TRABD2B: variants seen among roughly 807,000 people sequenced by gnomAD.
TRABD2B encodes metalloprotease TIKI2.
Under a neutral mutation model 40.1 loss-of-function variants are expected in TRABD2B, and 14 were observed. The observed-to-expected ratio is 0.35, with a 90% CI of 0.23 to 0.55. The LOEUF is 0.55. Among genes scored for constraint, TRABD2B ranks in the 20% least tolerant of loss-of-function variants. TRABD2B has a pLI of 0.90. For missense variants in TRABD2B, 541 were observed against 648.6 expected (o/e 0.83, Z 1.80); for synonymous variants, 263 against 277.0 (o/e 0.95, Z 0.50).
At chr1:47,882,894 A>C (rs1177462044) in intron 2 of TRABD2B, among the ~76,000 whole-genome samples, 1 of 152,102 alleles carries the variant, frequency 6.6e-6, no homozygotes, top group Non-Finnish European at 1.5e-5. Flanking sequence ...AGGCAGGTAA[A>C]AGGATTGGGA....
At chr1:47,920,733 C>T (rs548870893) in intron 2 of TRABD2B, among the ~76,000 whole-genome samples, 64 of 152,232 alleles carry the variant, frequency 4.2e-4, no homozygotes, top group Non-Finnish European at 8.8e-4. Context: ...ACCCTCTTTT[C>T]CTTATTGGTG....
chr1:47,816,519 G>A (rs148455782), intron 2 of TRABD2B, among the ~76,000 whole-genome samples: 1 of 152,216 alleles, frequency 6.6e-6, no homozygotes, highest in Non-Finnish European at 1.5e-5. Flanking sequence ...TCCTGCTTCA[G>A]GACCTTTGCA....
intron 2 of TRABD2B, among the ~76,000 whole-genome samples, chr1:47,973,362 G>A (rs1645708455): frequency 6.6e-6 from 1 of 152,182 alleles, no homozygotes; most frequent in African/African-American, 2.4e-5. Context: ...GGGAGAAAGG[G>A]GGCATGGGAA....
At position 47,761,554 on chromosome 1, in the gene TRABD2B, CG is replaced by C. The variant is rs1317703454; in HGVS notation, c.*4347del. On this transcript the variant is annotated 3_prime_UTR_variant, in exon 7 of 7. Coordinates refer to ENST00000606738, the MANE Select transcript of TRABD2B (RefSeq NM_001194986.2). The stretch of plus-strand genomic sequence containing the variant: ...GAACCTTACTGGTTTAGACAGCCAG[CG>C]GGGTGATTTTTTTTGGCTGCTCAGA... 1 of 152,100 alleles carries C rather than the reference CG, an allele frequency of 6.6e-6. No homozygotes were observed. The highest frequency in any genetic ancestry group is 2.4e-5 in the African/African-American group (1 of 41,424). 9.4% of individuals were successfully genotyped at this position (152,100 alleles called of 1,614,324 possible).
intron 4 of TRABD2B, among the ~76,000 whole-genome samples, chr1:47,783,537 G>A (rs72892304): frequency 0.025 from 3,846 of 152,284 alleles, 174 homozygotes; most frequent in African/African-American, 0.087. Context: ...AGAAGCAAGG[G>A]CCTAAAGGTG....
intron 2 of TRABD2B, 54 bp downstream of exon 2, chr1:47,993,980 G>A: frequency 6.8e-6 from 10 of 1,464,436 alleles, no homozygotes; most frequent in Non-Finnish European, 7.2e-6. Flanking sequence ...AATCAGAGAA[G>A]AGGACCCAGG....
At chr1:47,903,379 G>A (rs1441103684) in intron 2 of TRABD2B, among the ~76,000 whole-genome samples, 2 of 152,126 alleles carry the variant, frequency 1.3e-5, no homozygotes, top group South Asian at 4.2e-4. Context: ...CTACTGCCCA[G>A]CTGTGCCTCA....
chr1:47,895,424 G>T (rs1497097), intron 2 of TRABD2B, among the ~76,000 whole-genome samples: 22,115 of 152,134 alleles, frequency 0.15, 1,870 homozygotes, highest in East Asian at 0.35. Flanking sequence ...GCCTGGCAGT[G>T]GGTGCCCTGG....
At chr1:47,910,511 T>A (rs1266054325) in intron 2 of TRABD2B, among the ~76,000 whole-genome samples, 1 of 152,088 alleles carries the variant, frequency 6.6e-6, no homozygotes, top group Admixed American at 6.5e-5. Flanking sequence ...GTGAGTACCT[T>A]GTCACTCAGA....
At chr1:47,940,985 C>G (rs1438659347) in intron 2 of TRABD2B, among the ~76,000 whole-genome samples, 1 of 152,176 alleles carries the variant, frequency 6.6e-6, no homozygotes, top group African/African-American at 2.4e-5. Context: ...GAATGACACT[C>G]TCCACCCACA....
At chr1:47,900,105 A>C (rs1335143516) in intron 2 of TRABD2B, among the ~76,000 whole-genome samples, 1 of 152,054 alleles carries the variant, frequency 6.6e-6, no homozygotes, top group Admixed American at 6.6e-5. Flanking sequence ...ATAAATATAC[A>C]TGGAAACCAC....
At chr1:47,961,432 A>C (rs901444477) in intron 2 of TRABD2B, among the ~76,000 whole-genome samples, 11 of 152,260 alleles carry the variant, frequency 7.2e-5, no homozygotes, top group African/African-American at 2.7e-4. Context: ...GGCAACCTAC[A>C]GAATCGGAGA....
Position 47,801,560 on chromosome 1 carries a change from C to T in TRABD2B, c.726G>A (p.Leu242=), listed in dbSNP as rs1056927564. 1.7e-5 allele frequency: 26 copies of T among 1,536,048 alleles called. No individual in the cohort carries two copies. Among genetic ancestry groups the T allele is most frequent in the Non-Finnish European group, 2.3e-5 (26 of 1,146,866 alleles). ...LQQESVRAGS[L]QASYTTEDLI... ...GGTCCTCCGTGGTGTAGGAGGCCTG[C>T]AGGCTCCCGGCCCGCACACTCTCCT... The change falls in exon 3 of 7, where the codon CTG becomes CTA. Residue 242 remains leucine (L), a synonymous_variant. Coordinates refer to ENST00000606738, the MANE Select transcript of TRABD2B (RefSeq NM_001194986.2).
intron 2 of TRABD2B, among the ~76,000 whole-genome samples, chr1:47,924,508 T>C (rs1392480279): frequency 6.6e-6 from 1 of 152,118 alleles, no homozygotes; most frequent in African/African-American, 2.4e-5. Context: ...TAACACTGAA[T>C]GATGTAAGAT....
At chr1:47,888,501 C>T (rs192716442) in intron 2 of TRABD2B, among the ~76,000 whole-genome samples, 1 of 152,298 alleles carries the variant, frequency 6.6e-6, no homozygotes, top group Non-Finnish European at 1.5e-5. Flanking sequence ...GTCAAAAAAG[C>T]ACCAGTCACC....
intron 2 of TRABD2B, among the ~76,000 whole-genome samples, chr1:47,902,492 G>A (rs1644614817): frequency 6.6e-6 from 1 of 152,160 alleles, no homozygotes; most frequent in South Asian, 2.1e-4. Context: ...TCGACTTCCT[G>A]TGGATGGAAA....
Position 47,988,682 on chromosome 1 carries a change from C to T in TRABD2B, c.666+5352G>A, listed in dbSNP as rs190164117. Among the ~76,000 whole-genome samples, 119 of 152,318 alleles carry T rather than the reference C, an allele frequency of 7.8e-4. 1 individual carries two copies. The highest frequency in any genetic ancestry group is 2.8e-3 in the African/African-American group (115 of 41,572). Reference sequence around the variant, plus strand: ...TACAGATAACTCAGGCTCAAAATTTCAGACTTGGTTGGCCTAGGCTCTCCA... The same window carrying T: ...TACAGATAACTCAGGCTCAAAATTTTAGACTTGGTTGGCCTAGGCTCTCCA... On this transcript the variant is annotated intron_variant, in intron 2 of 6. Transcript: ENST00000606738.
At chr1:47,922,144 C>T (rs757838751) in intron 2 of TRABD2B, among the ~76,000 whole-genome samples, 1 of 152,228 alleles carries the variant, frequency 6.6e-6, no homozygotes, top group Non-Finnish European at 1.5e-5. Flanking sequence ...AATATCTACA[C>T]TCTCTCATCT....
At position 47,808,291 on chromosome 1, in the gene TRABD2B, C is replaced by T. The variant is rs189517268; in HGVS notation, c.667-6672G>A. Reference sequence around the variant, plus strand: ...TTACCCACCAATGTCACCAACACTACGTGTGTGTGTGTGTGTGTGTATAAA... The same window carrying T: ...TTACCCACCAATGTCACCAACACTATGTGTGTGTGTGTGTGTGTGTATAAA... On this transcript the variant is annotated intron_variant, in intron 2 of 6. Coordinates refer to ENST00000606738, the MANE Select transcript of TRABD2B (RefSeq NM_001194986.2). Among the ~76,000 whole-genome samples the T allele has an allele frequency of 1.4e-3, 211 of 150,554 alleles. 3 individuals carry two copies. Among genetic ancestry groups the T allele is most frequent in the African/African-American group, 4.9e-3 (203 of 41,118 alleles).
Sources: gnomAD v4.1 joint callset for allele counts (sites outside exome capture counted in the v4.1 genomes callset) on GRCh38, gnomAD v4.1.1 for gene constraint, MANE v1.5 for transcripts, NCBI Gene and HGNC (gene_info 2026-07-23, HGNC 2026-07-21) for gene names.